DGKB: variants seen among roughly 807,000 people sequenced by gnomAD.
The protein encoded by DGKB is 90 kDa diacylglycerol kinase.
In DGKB, 67 loss-of-function variants were observed where a neutral mutation model predicts 114.3. The observed-to-expected ratio is 0.59, with a 90% confidence interval of 0.48 to 0.72. The LOEUF (loss-of-function observed/expected upper bound fraction) is 0.72. Among genes scored for constraint, DGKB ranks in the 30% least tolerant of loss-of-function variants. The pLI is 0.00. For synonymous variants in DGKB, 398 were observed against 323.1 expected (o/e 1.23, Z -2.49); for missense variants, 907 against 975.2 (o/e 0.93, Z 0.93).
intron 1 of DGKB, among the ~76,000 whole-genome samples, chr7:14,953,343 C>A (rs760731013): frequency 1.3e-5 from 2 of 151,766 alleles, no homozygotes; most frequent in Admixed American, 6.6e-5. Flanking sequence ...TGTAAAGAAC[C>A]CTTACAACTC....
chr7:14,905,248 T>TG (rs769486908), upstream of DGKB, among the ~76,000 whole-genome samples: 129 of 107,990 alleles, frequency 1.2e-3, no homozygotes, highest in African/African-American at 4.5e-3. Flanking sequence ...TTGTTAGTTT[T>TG]TTTTTTTTTT....
At chr7:14,449,649 C>A (rs371386764) in intron 21 of DGKB, among the ~76,000 whole-genome samples, 3 of 152,152 alleles carry the variant, frequency 2.0e-5, no homozygotes, top group African/African-American at 7.2e-5. Context: ...ACACTGCTTA[C>A]ATCTTTTACC....
rs559431368 is a variant in DGKB, at chr7:14,703,330, C to A, written c.467-1600G>T. On this transcript the variant is annotated intron_variant, in intron 6 of 25. Coordinates refer to ENST00000402815, the MANE Select transcript of DGKB (RefSeq NM_001350709.2). ...TTCACGTCGCTCAAATTTGTGGAAA[C>A]CCTGTTCTGATTTGTTGACCTTAAT... Among the ~76,000 whole-genome samples, 3 of 152,232 alleles carry A rather than the reference C, an allele frequency of 2.0e-5. No individual in the cohort carries two copies. The East Asian group carries it at 5.8e-4, about 29-fold the overall frequency.
chr7:14,243,771 A>G (rs12673837), intron 23 of DGKB, among the ~76,000 whole-genome samples: 40,110 of 152,018 alleles, frequency 0.26, 5,562 homozygotes, highest in East Asian at 0.38. Flanking sequence ...TCTCTTTCCA[A>G]TTCATCTACA....
At chr7:14,935,965 T>C (rs1785253969) in intron 1 of DGKB, among the ~76,000 whole-genome samples, 1 of 152,150 alleles carries the variant, frequency 6.6e-6, no homozygotes, top group Non-Finnish European at 1.5e-5. Context: ...GTAGCAAGAC[T>C]ATAGAACTCA....
At chr7:14,597,844 G>T (rs1003737723) in intron 17 of DGKB, among the ~76,000 whole-genome samples, 2 of 152,034 alleles carry the variant, frequency 1.3e-5, no homozygotes, top group African/African-American at 4.8e-5. Flanking sequence ...GTGTGTGCAT[G>T]CATGTGTACA....
At chr7:14,372,567 G>C (rs537255454) in intron 21 of DGKB, among the ~76,000 whole-genome samples, 1 of 152,170 alleles carries the variant, frequency 6.6e-6, no homozygotes, top group East Asian at 1.9e-4. Flanking sequence ...TACATCCTTT[G>C]ACTTGGCTGC....
In DGKB at chr7:14,864,247, T is replaced by C. The variant is rs192386293; in HGVS notation, c.-187-22797A>G. 2.0e-5 allele frequency among the ~76,000 whole-genome samples: 3 copies of C among 152,324 alleles called. No individual in the cohort carries two copies. The East Asian group carries it at 5.8e-4, about 29-fold the overall frequency. On this transcript the variant is annotated intron_variant, in intron 1 of 25. Transcript: ENST00000402815. ...CAGATAACTTTCTGTGTTTTCCTAG[T>C]TGTGTTTAAATCACTTAAATAGCAG...
intron 23 of DGKB, among the ~76,000 whole-genome samples, chr7:14,272,417 A>G (rs898960854): frequency 2.6e-5 from 4 of 152,254 alleles, no homozygotes; most frequent in Admixed American, 1.3e-4. Context: ...ATGATAAAAA[A>G]GAAATGCATT....
intron 17 of DGKB, among the ~76,000 whole-genome samples, chr7:14,604,047 T>C (rs1804037392): frequency 6.6e-6 from 1 of 152,058 alleles, no homozygotes; most frequent in Non-Finnish European, 1.5e-5. Flanking sequence ...AGCCCAAGAG[T>C]AATTTATATT....
chr7:14,796,326 T>A (rs6461129), intron 2 of DGKB, among the ~76,000 whole-genome samples: 1 of 151,882 alleles, frequency 6.6e-6, no homozygotes, highest in African/African-American at 2.4e-5. Flanking sequence ...GCCAACACCA[T>A]AGACACCTCA....
At position 14,840,417 on chromosome 7, in the gene DGKB, T is replaced by C. The variant is rs1392032964; in HGVS notation, c.70+777A>G. Among the ~76,000 whole-genome samples the C allele has an allele frequency of 2.0e-5, 3 of 152,192 alleles. No homozygotes were observed. The East Asian group carries it at 5.8e-4, about 29-fold the overall frequency. On this transcript the variant is annotated intron_variant, in intron 2 of 25. Transcript: ENST00000402815. ...CAACACCTGACCCAACTGCTGTTCA[T>C]ATTTATAGTTGAAAGTCACTTTATG...
At chr7:14,643,281 A>G (rs1812188949) in intron 13 of DGKB, among the ~76,000 whole-genome samples, 1 of 152,096 alleles carries the variant, frequency 6.6e-6, no homozygotes, top group African/African-American at 2.4e-5. Context: ...TCCTAGGGAG[A>G]GAAAAGCCCC....
intron 23 of DGKB, among the ~76,000 whole-genome samples, chr7:14,240,605 C>A (rs1584663632): frequency 6.6e-6 from 1 of 152,002 alleles, no homozygotes. Flanking sequence ...CCAAAAACAT[C>A]AGAAAGTGCT....
intron 6 of DGKB, among the ~76,000 whole-genome samples, chr7:14,713,243 T>C (rs1345458192): frequency 6.6e-6 from 1 of 152,166 alleles, no homozygotes; most frequent in Non-Finnish European, 1.5e-5. Flanking sequence ...TATCCTACTA[T>C]ACACACTCTG....
intron 7 of DGKB, among the ~76,000 whole-genome samples, chr7:14,698,775 T>C (rs1379145246): frequency 1.3e-5 from 2 of 152,170 alleles, no homozygotes; most frequent in Non-Finnish European, 2.9e-5. Flanking sequence ...TGCAAGTTAA[T>C]ACAGATGACC....
At chr7:14,204,623 G>A (rs1181355821) in intron 23 of DGKB, among the ~76,000 whole-genome samples, 2 of 151,922 alleles carry the variant, frequency 1.3e-5, no homozygotes, top group African/African-American at 4.8e-5. Context: ...TTGGCCCTTT[G>A]CCCATGAGAA....
intron 21 of DGKB, among the ~76,000 whole-genome samples, 178 bp downstream of exon 21, chr7:14,477,983 C>G (rs978084864): frequency 6.6e-6 from 1 of 151,732 alleles, no homozygotes; most frequent in Non-Finnish European, 1.5e-5. Context: ...TTCATCACAA[C>G]CTAAGAAAAA....
chr7:14,807,056 AAAT>A (rs1306474145), intron 2 of DGKB, among the ~76,000 whole-genome samples: 2 of 152,094 alleles, frequency 1.3e-5, no homozygotes, highest in African/African-American at 4.8e-5. Context: ...GAGAAAAAAA[AAAT>A]AAAAAGCTGA....
Sources: allele counts gnomAD v4.1 joint callset (sites outside exome capture counted in the v4.1 genomes callset), GRCh38; gene constraint gnomAD v4.1.1; transcripts MANE v1.5; gene names NCBI Gene and HGNC (gene_info 2026-07-23, HGNC 2026-07-21).